Variants in COL28A1 observed in about 807,000 individuals in gnomAD.
The protein encoded by COL28A1 is collagen type XXVIII alpha 1 chain.
A neutral mutation model predicts 150.2 loss-of-function variants in COL28A1; 161 were observed. The ratio of observed to expected loss-of-function variants is 1.07; its 90% confidence interval spans 0.94 to 1.22. The LOEUF (loss-of-function observed/expected upper bound fraction) is 1.22. COL28A1 is among the 50% of genes most tolerant of loss of function. COL28A1 has a pLI of 0.00. For synonymous variants in COL28A1, 552 were observed against 469.7 expected (o/e 1.18, Z -2.26); for missense variants, 1,617 against 1,388.3 (o/e 1.16, Z -2.62).
intron 27 of COL28A1, among the ~76,000 whole-genome samples, chr7:7,411,164 C>A (rs1409489628): frequency 6.6e-6 from 1 of 152,110 alleles, no homozygotes; most frequent in African/African-American, 2.4e-5. Flanking sequence ...AGCAAAGACA[C>A]CTGATTCTAT....
chr7:7,448,405 T>A (rs1286091018), intron 18 of COL28A1, among the ~76,000 whole-genome samples: 1 of 151,760 alleles, frequency 6.6e-6, no homozygotes, highest in Non-Finnish European at 1.5e-5. Context: ...ATCTTAAAAG[T>A]ACTAAAAGGA....
intron 25 of COL28A1, among the ~76,000 whole-genome samples, chr7:7,431,051 T>C (rs936867398): frequency 6.6e-6 from 1 of 152,174 alleles, no homozygotes; most frequent in African/African-American, 2.4e-5. Context: ...GGGTCTCCAA[T>C]CTTTTATTCC....
intron 27 of COL28A1, among the ~76,000 whole-genome samples, chr7:7,414,450 C>T (rs570158342): frequency 1.3e-5 from 2 of 152,322 alleles, no homozygotes; most frequent in Admixed American, 1.3e-4. Flanking sequence ...GCTGGAGTTC[C>T]ACTTCAGGGC....
chr7:7,462,675 A>G (rs1185836418), intron 15 of COL28A1, among the ~76,000 whole-genome samples: 1 of 152,170 alleles, frequency 6.6e-6, no homozygotes, highest in African/African-American at 2.4e-5. Flanking sequence ...CCTGACCAAC[A>G]TAGAGAAACC....
chr7:7,444,427 T>G lies in COL28A1; in HGVS notation c.1572A>C (p.Ala524=), dbSNP rs567020923. Residue 524 remains alanine (A), a synonymous_variant, in exon 19 of 35, where the codon GCA becomes GCC. Transcript: ENST00000399429. The part of the protein sequence containing the change: ...QPGVPGEDGA[A]GKKGEAGLPG... Reference sequence around the variant, plus strand: ...AAAAACTTGGTGTTACCTTCTTCCCTGCAGCTCCATCTTCTCCTGGTACTC... The same window carrying G: ...AAAAACTTGGTGTTACCTTCTTCCCGGCAGCTCCATCTTCTCCTGGTACTC... 2 of 1,614,098 alleles carry G rather than the reference T, an allele frequency of 1.2e-6. No individual in the cohort carries two copies. The highest frequency in any genetic ancestry group is 2.2e-5 in the South Asian group (2 of 91,070).
At chr7:7,424,403 G>T (rs2128310359) in intron 25 of COL28A1, among the ~76,000 whole-genome samples, 1 of 152,238 alleles carries the variant, frequency 6.6e-6, no homozygotes, top group South Asian at 2.1e-4. Flanking sequence ...CCATTTGACG[G>T]CACTGGTTTT....
chr7:7,421,529 T>C (rs1012009241), intron 25 of COL28A1, among the ~76,000 whole-genome samples: 4 of 151,766 alleles, frequency 2.6e-5, no homozygotes, highest in Non-Finnish European at 5.9e-5. Flanking sequence ...ACCCAAGACC[T>C]TTAGCCTTAG....
chr7:7,454,207 T>C (rs138398175), intron 16 of COL28A1, among the ~76,000 whole-genome samples: 113 of 152,218 alleles, frequency 7.4e-4, no homozygotes, highest in African/African-American at 2.6e-3. Context: ...TTAAGAGAGA[T>C]TGTAAACATG....
At chr7:7,531,300 TGTCA>T in intron 3 of COL28A1, 44 bp downstream of exon 3, 2 of 752,898 alleles carry the variant, frequency 2.7e-6, no homozygotes, top group South Asian at 3.9e-5. Context: ...ACAACAAATA[TGTCA>T]ATATTATGAT....
chr7:7,381,647 T>A (rs1266189191), intron 27 of COL28A1, 35 bp from the exon 28 acceptor site: 1 of 1,524,986 alleles, frequency 6.6e-7, no homozygotes, highest in East Asian at 2.3e-5. Flanking sequence ...GTTCTATTAA[T>A]TTCCCAGGAT....
chr7:7,465,114 G>A (rs988986722), intron 15 of COL28A1, among the ~76,000 whole-genome samples: 4 of 150,772 alleles, frequency 2.7e-5, no homozygotes, highest in Admixed American at 1.3e-4. Flanking sequence ...CAAGATGGCC[G>A]AATAGGAACA....
intron 15 of COL28A1, among the ~76,000 whole-genome samples, chr7:7,464,561 T>C (rs910668200): frequency 6.6e-6 from 1 of 152,172 alleles, no homozygotes; most frequent in Non-Finnish European, 1.5e-5. Flanking sequence ...TCCTGAAAGA[T>C]CACTGGGTCA....
intron 3 of COL28A1, among the ~76,000 whole-genome samples, chr7:7,525,388 A>T (rs1013873035): frequency 6.6e-6 from 1 of 152,198 alleles, no homozygotes; most frequent in Non-Finnish European, 1.5e-5. Flanking sequence ...GTGGGATATT[A>T]CCTGACAAGT....
At chr7:7,443,738 A>G in intron 19 of COL28A1, 85 bp from the exon 20 acceptor site, 4 of 1,560,088 alleles carry the variant, frequency 2.6e-6, no homozygotes, top group Non-Finnish European at 3.5e-6. Context: ...TTTTATCATT[A>G]GTGGATTCAG....
intron 17 of COL28A1, among the ~76,000 whole-genome samples, chr7:7,452,614 T>C (rs184111414): frequency 8.5e-5 from 13 of 152,354 alleles, no homozygotes; most frequent in South Asian, 2.1e-4. Flanking sequence ...ACTTAAAATA[T>C]AGGCCACATA....
Position 7,504,908 on chromosome 7 carries a change from T to A in COL28A1, c.1026+1106A>T, listed in dbSNP as rs141492792. On this transcript the variant is annotated intron_variant, in intron 11 of 34. Transcript: ENST00000399429. ...AAAAATTGTGTGGTCTGTCAAAATA[T>A]ATATTTTTTTCTTACTGTAGGATTG... Among the ~76,000 whole-genome samples the A allele has an allele frequency of 3.7e-3, 562 of 152,292 alleles. 3 individuals carry two copies. The highest frequency in any genetic ancestry group is 6.1e-3 in the Non-Finnish European group (417 of 68,012).
chr7:7,471,125 TAAAAA>T (rs746981344), intron 15 of COL28A1, among the ~76,000 whole-genome samples: 1 of 88,524 alleles, frequency 1.1e-5, no homozygotes, highest in Non-Finnish European at 2.3e-5. Flanking sequence ...AAAAAATAAT[TAAAAA>T]AAAAAAAAAA....
chr7:7,523,409 C>T (rs1388997324), intron 4 of COL28A1, among the ~76,000 whole-genome samples: 2 of 151,876 alleles, frequency 1.3e-5, no homozygotes, highest in African/African-American at 2.4e-5. Context: ...CCACCTGCCT[C>T]GGCCTCCCAA....
At chr7:7,374,542 T>TA (rs1027185299) in intron 31 of COL28A1, among the ~76,000 whole-genome samples, 2 of 152,232 alleles carry the variant, frequency 1.3e-5, no homozygotes, top group South Asian at 2.1e-4. Context: ...CTAGTCAATT[T>TA]AAAAAAACCT....
Sources: gnomAD v4.1 joint callset for allele counts (sites outside exome capture counted in the v4.1 genomes callset) on GRCh38, gnomAD v4.1.1 for gene constraint, MANE v1.5 for transcripts, NCBI Gene and HGNC (gene_info 2026-07-23, HGNC 2026-07-21) for gene names.